USP25: variants seen among roughly 807,000 people sequenced by gnomAD.
The protein encoded by USP25 is ubiquitin specific peptidase 25.
Under a neutral mutation model 158.5 loss-of-function variants are expected in USP25, and 85 were observed. The observed-to-expected ratio is 0.54, with a 90% CI of 0.45 to 0.64. The LOEUF (loss-of-function observed/expected upper bound fraction) is 0.64, where lower values mean the gene tolerates loss of function less well. USP25 is among the 30% of genes least tolerant of loss of function. The probability of loss-of-function intolerance (pLI) is 0.00; values close to 1 mark genes in which losing one functional copy is unlikely to be tolerated. For synonymous variants in USP25, 464 were observed against 460.4 expected (o/e 1.01, Z -0.10); for missense variants, 1,242 against 1,327.3 (o/e 0.94, Z 1.00).
At chr21:15,859,992 T>TATATATATATATATA (rs1491579050) in intron 20 of USP25, among the ~76,000 whole-genome samples, 3 of 84,836 alleles carry the variant, frequency 3.5e-5, no homozygotes, top group African/African-American at 2.4e-4. Context: ...TATATCTATA[T>TATATATATATATATA]TTTTTTTTTT....
At chr21:15,823,188 C>T (rs1425293879) in intron 10 of USP25, among the ~76,000 whole-genome samples, 1 of 152,056 alleles carries the variant, frequency 6.6e-6, no homozygotes, top group Non-Finnish European at 1.5e-5. Context: ...ATAAGCACTT[C>T]AGAACTATTT....
chr21:15,781,181 A>T (rs1371360651), intron 4 of USP25, among the ~76,000 whole-genome samples: 1 of 152,118 alleles, frequency 6.6e-6, no homozygotes, highest in African/African-American at 2.4e-5. Context: ...CAGGAGCCAC[A>T]CCCCATGCAA....
chr21:15,804,761 GTTA>G (rs2036296509), intron 6 of USP25, among the ~76,000 whole-genome samples: 1 of 152,140 alleles, frequency 6.6e-6, no homozygotes, highest in Non-Finnish European at 1.5e-5. Context: ...AATGTTGGCT[GTTA>G]TTATTGCTCT....
At chr21:15,848,052 C>T (rs2038710874) in intron 19 of USP25, among the ~76,000 whole-genome samples, 2 of 152,122 alleles carry the variant, frequency 1.3e-5, no homozygotes, top group African/African-American at 4.8e-5. Context: ...TCCAGGTTGG[C>T]AGATTACAAT....
intron 14 of USP25, among the ~76,000 whole-genome samples, 154 bp downstream of exon 14, chr21:15,827,357 C>T (rs1302366221): frequency 6.6e-6 from 1 of 152,078 alleles, no homozygotes; most frequent in East Asian, 1.9e-4. Flanking sequence ...GTTTGGCTCC[C>T]CATTTTTATA....
Position 15,804,981 on chromosome 21 carries a change from A to G in USP25, c.643-140A>G, listed in dbSNP as rs555495987. 1.0e-5 allele frequency: 9 copies of G among 872,792 alleles called. No individual in the cohort carries two copies. In the Admixed American group the frequency reaches 1.2e-4, roughly 12 times the overall value. 54.1% of individuals were successfully genotyped at this position (872,792 alleles called of 1,614,324 possible). On this transcript the variant is annotated intron_variant, in intron 6 of 25. Coordinates refer to ENST00000400183, the MANE Select transcript of USP25 (RefSeq NM_001283041.3). ...TGGCACCAACACTCTACTTTCTTCA[A>G]TTATGATAGAGTGCTAATTCATCCC...
intron 10 of USP25, among the ~76,000 whole-genome samples, chr21:15,820,076 T>TTA (rs1464117399): frequency 6.6e-6 from 1 of 152,000 alleles, no homozygotes; most frequent in African/African-American, 2.4e-5. Context: ...AACCTCTAAA[T>TTA]AAGAATGTTT....
chr21:15,759,935 C>G (rs1004942359), intron 1 of USP25, among the ~76,000 whole-genome samples: 2 of 152,170 alleles, frequency 1.3e-5, no homozygotes, highest in African/African-American at 4.8e-5. Context: ...TTTGATACTT[C>G]CTGGCATTTT....
Position 15,799,758 on chromosome 21 carries a change from C to G in USP25, c.557C>G (p.Ser186Ter). Residue 186 changes from serine (S) to a stop codon, truncating the protein, a stop_gained and splice_region_variant, in exon 6 of 26, where the codon TCA becomes TGA. Transcript: ENST00000400183. LOFTEE classifies it high-confidence loss of function. ...NTCWFSAVIQ[S>*]LFNLLEFRRL... ...TGTTAAATTGTTGTTCTTTTTCAGT[C>G]ATTATTTAATCTTTTGGAATTTAGA... 1 of 1,582,176 alleles carries G rather than the reference C, an allele frequency of 6.3e-7. No individual in the cohort carries two copies. The highest frequency in any genetic ancestry group is 8.6e-7 in the Non-Finnish European group (1 of 1,161,908).
chr21:15,825,245 GT>G lies in USP25; in HGVS notation c.1304+187del, dbSNP rs1195969550. The stretch of plus-strand genomic sequence containing the variant: ...GTAGACTTTAAAAAATTATTCTAGT[GT>G]TTAAAATTAAATATCTCATTGTCAA... On this transcript the variant is annotated intron_variant, in intron 12 of 25. Transcript: ENST00000400183. Among the ~76,000 whole-genome samples, 5 of 152,244 alleles carry G rather than the reference GT, an allele frequency of 3.3e-5. No homozygotes were observed. In the East Asian group the frequency reaches 9.6e-4, roughly 29 times the overall value.
At chr21:15,756,454 A>G (rs2033383442) in intron 1 of USP25, among the ~76,000 whole-genome samples, 1 of 152,128 alleles carries the variant, frequency 6.6e-6, no homozygotes, top group East Asian at 1.9e-4. Flanking sequence ...TAATAAATTC[A>G]TATTTTCTTG....
chr21:15,784,744 C>T (rs1210845261), intron 4 of USP25, among the ~76,000 whole-genome samples: 2 of 151,608 alleles, frequency 1.3e-5, no homozygotes, highest in African/African-American at 4.9e-5. Flanking sequence ...TCCATGGTAA[C>T]CACAAGAAAA....
chr21:15,783,218 AAAG>A (rs1180825925), intron 4 of USP25, among the ~76,000 whole-genome samples: 76 of 152,128 alleles, frequency 5.0e-4, no homozygotes, highest in Non-Finnish European at 8.7e-4. Flanking sequence ...GAAAAAAAAA[AAAG>A]AATAACAAAG....
intron 2 of USP25, among the ~76,000 whole-genome samples, chr21:15,763,433 AG>A (rs2033853597): frequency 6.6e-6 from 1 of 152,178 alleles, no homozygotes; most frequent in Non-Finnish European, 1.5e-5. Context: ...TTACACCCTA[AG>A]TTAAACATTC....
rs2040204623 is a variant in USP25 at position 15,879,103 on chromosome 21, C to T, written c.*628C>T. 1 of 152,466 alleles carries T rather than the reference C, an allele frequency of 6.6e-6. No homozygotes were observed. The highest frequency in any genetic ancestry group is 6.6e-5 in the Admixed American group (1 of 15,266). The allele number at this position is 152,466 out of a possible 1,614,324, so 9.4% of individuals were successfully genotyped here. On this transcript the variant is annotated 3_prime_UTR_variant, in exon 26 of 26. Transcript: ENST00000400183. ...CTATATTTTTAACAAAGTTCTTGAA[C>T]TTAGTATGGCACCGGAACCTGTTTT...
At chr21:15,740,683 CGTGT>C (rs2031969917) in intron 1 of USP25, among the ~76,000 whole-genome samples, 1 of 85,256 alleles carries the variant, frequency 1.2e-5, no homozygotes, top group African/African-American at 4.1e-5. Flanking sequence ...TTGGTATGTG[CGTGT>C]GTATTTGTGT....
intron 20 of USP25, among the ~76,000 whole-genome samples, chr21:15,859,354 G>A (rs1357310711): frequency 1.3e-5 from 2 of 151,828 alleles, no homozygotes; most frequent in African/African-American, 4.8e-5. Flanking sequence ...CACCACGCCT[G>A]GCTAAGTTTT....
rs764376959 is a variant in USP25 at position 15,824,988 on chromosome 21, A to G, written c.1231A>G (p.Ile411Val). Reference protein sequence around the residue: ...LDRYMHRNREITRIKREEIKR... With the variant: ...LDRYMHRNREVTRIKREEIKR... ...TAGATACATGCACAGAAACAGAGAA[A>G]TAACAAGAATTAAGAGGGAAGAGAT... The change falls in exon 12 of 26, where the codon ATA becomes GTA. Residue 411 changes from isoleucine to valine, a missense_variant. Around this residue, in one of 3 missense-constraint regions of USP25, gnomAD observed 627 missense variants for 701.4 expected, o/e 0.89. Coordinates refer to ENST00000400183, the MANE Select transcript of USP25 (RefSeq NM_001283041.3). 3.7e-6 allele frequency: 6 copies of G among 1,611,552 alleles called. No homozygotes were observed. In the Admixed American group the frequency reaches 1.0e-4, roughly 27 times the overall value.
At chr21:15,745,047 C>CT (rs1183655335) in intron 1 of USP25, 1 of 152,460 alleles carries the variant, frequency 6.6e-6, no homozygotes, top group Non-Finnish European at 1.5e-5. Flanking sequence ...CTCCCTTCCC[C>CT]TCCCTTCCCA....
Sources: gnomAD v4.1 joint callset for allele counts (sites outside exome capture counted in the v4.1 genomes callset) on GRCh38, gnomAD v4.1.1 for gene constraint, gnomAD v4.1.1 regional missense constraint, MANE v1.5 for transcripts, NCBI Gene and HGNC (gene_info 2026-07-23, HGNC 2026-07-21) for gene names.